Variants in SOX6 observed in about 807,000 individuals in gnomAD.
SOX6 encodes the protein transcription factor SOX-6.
In SOX6, 11 loss-of-function variants were observed where a neutral mutation model predicts 97.8. The observed-to-expected ratio is 0.11, with a 90% CI of 0.07 to 0.19. The LOEUF (loss-of-function observed/expected upper bound fraction) is 0.19, where lower values mean the gene tolerates loss of function less well. Ranked by LOEUF, SOX6 falls within the 10% of genes least tolerant of loss-of-function variation. SOX6 has a pLI of 1.00. For missense variants in SOX6, 810 were observed against 1,039.5 expected, an observed-to-expected ratio of 0.78 and a Z score of 3.04; for synonymous variants, 360 against 371.4, an observed-to-expected ratio of 0.97 and a Z score of 0.35.
At chr11:16,156,781 A>T (rs1589981401) in intron 6 of SOX6, among the ~76,000 whole-genome samples, 1 of 151,890 alleles carries the variant, frequency 6.6e-6, no homozygotes, top group South Asian at 2.1e-4. Flanking sequence ...CCTAATATCC[A>T]TGTCTCCTGC....
At chr11:16,373,898 A>AGAAGG (rs1857574587) in intron 1 of SOX6, among the ~76,000 whole-genome samples, 1 of 79,460 alleles carries the variant, frequency 1.3e-5, no homozygotes, top group African/African-American at 5.0e-5. Context: ...GGAGGGAGGG[A>AGAAGG]GGAAGGGAGG....
intron 1 of SOX6, among the ~76,000 whole-genome samples, chr11:16,455,125 TAA>T (rs1179836489): frequency 6.6e-6 from 1 of 152,006 alleles, no homozygotes; most frequent in African/African-American, 2.4e-5. Context: ...TACTTAAATA[TAA>T]GTCTCTGACT....
chr11:15,992,589 A>T (rs12576586), intron 13 of SOX6, among the ~76,000 whole-genome samples: 13,818 of 152,148 alleles, frequency 0.091, 1,301 homozygotes, highest in East Asian at 0.35. Context: ...TTGCATATAA[A>T]AATGGTCTCA....
At chr11:16,497,145 C>T (rs1860614133) in intron 4 of SOX6, among the ~76,000 whole-genome samples, 1 of 152,184 alleles carries the variant, frequency 6.6e-6, no homozygotes, top group Non-Finnish European at 1.5e-5. Context: ...CAGGCAGCAA[C>T]ATTTGCTGTT....
intron 3 of SOX6, among the ~76,000 whole-genome samples, chr11:16,657,782 G>A (rs1847734882): frequency 6.6e-6 from 1 of 152,174 alleles, no homozygotes; most frequent in Non-Finnish European, 1.5e-5. Flanking sequence ...CTTCTTTAGT[G>A]AGATGTCTAT....
intron 3 of SOX6, among the ~76,000 whole-genome samples, chr11:16,264,165 C>T (rs2134218423): frequency 6.6e-6 from 1 of 151,868 alleles, no homozygotes; most frequent in East Asian, 1.9e-4. Context: ...ATCCCCATCC[C>T]ATCCATTCTA....
intron 2 of SOX6, among the ~76,000 whole-genome samples, chr11:16,721,527 T>C (rs1848262508): frequency 1.5e-5 from 1 of 68,914 alleles, no homozygotes; most frequent in Non-Finnish European, 2.9e-5. Context: ...TCTCTCTCTC[T>C]CTCTCTCTCT....
chr11:16,469,916 G>A (rs1860108801), intron 1 of SOX6, among the ~76,000 whole-genome samples: 1 of 152,028 alleles, frequency 6.6e-6, no homozygotes, highest in African/African-American at 2.4e-5. Context: ...GAAACAGAAA[G>A]TAGAGAGGGC....
chr11:16,302,851 G>A (rs1590107446), intron 3 of SOX6, among the ~76,000 whole-genome samples: 1 of 151,942 alleles, frequency 6.6e-6, no homozygotes, highest in Admixed American at 6.6e-5. Flanking sequence ...ATTACAGGCA[G>A]GAGCCACCGC....
intron 1 of SOX6, among the ~76,000 whole-genome samples, chr11:16,406,545 G>C (rs1453379530): frequency 6.6e-6 from 1 of 152,064 alleles, no homozygotes; most frequent in African/African-American, 2.4e-5. Context: ...ACAGAAAACA[G>C]CAAGAGTGTG....
chr11:16,387,159 A>C (rs1290679364), intron 1 of SOX6, among the ~76,000 whole-genome samples: 2 of 152,162 alleles, frequency 1.3e-5, no homozygotes, highest in African/African-American at 4.8e-5. Context: ...AGACCTGTAA[A>C]AACTATTGAT....
At chr11:16,209,297 C>T (rs1852155234) in intron 4 of SOX6, among the ~76,000 whole-genome samples, 1 of 152,118 alleles carries the variant, frequency 6.6e-6, no homozygotes, top group African/African-American at 2.4e-5. Context: ...TCTTCATTAG[C>T]TTTTAAGACT....
intron 3 of SOX6, among the ~76,000 whole-genome samples, chr11:16,655,999 T>G (rs1027170379): frequency 7.2e-5 from 11 of 152,108 alleles, no homozygotes; most frequent in African/African-American, 2.2e-4. Context: ...ATCCTATTAC[T>G]TTTTTGTATT....
intron 3 of SOX6, among the ~76,000 whole-genome samples, chr11:16,669,074 TG>T (rs1352103873): frequency 1.3e-5 from 2 of 152,196 alleles, no homozygotes; most frequent in African/African-American, 4.8e-5. Context: ...TTTCATCTAA[TG>T]GTTGCAGAAA....
chr11:16,105,757 G>A (rs1849063542), intron 7 of SOX6, among the ~76,000 whole-genome samples: 1 of 152,080 alleles, frequency 6.6e-6, no homozygotes, highest in Non-Finnish European at 1.5e-5. Context: ...TGGTAAGGGA[G>A]AGGTAAAACT....
chr11:16,706,306 G>C (rs1848131596), intron 3 of SOX6, among the ~76,000 whole-genome samples: 2 of 149,140 alleles, frequency 1.3e-5, no homozygotes, highest in Admixed American at 6.7e-5. Context: ...TAATTAGCTG[G>C]GTATAGTAAC....
intron 3 of SOX6, among the ~76,000 whole-genome samples, chr11:16,286,701 T>A (rs1321588834): frequency 1.3e-5 from 2 of 152,156 alleles, no homozygotes; most frequent in Non-Finnish European, 2.9e-5. Context: ...TTTGCCTATT[T>A]TCTATCTTCC....
chr11:16,341,409 G>C, intron 1 of SOX6, 157 bp from the exon 2 acceptor site: 1 of 1,030,442 alleles, frequency 9.7e-7, no homozygotes, highest in Non-Finnish European at 1.4e-6. Context: ...CCTGGCTTAT[G>C]TGTCCTTCTT....
At chr11:16,022,612 C>T (rs1855101273) in intron 12 of SOX6, among the ~76,000 whole-genome samples, 1 of 152,036 alleles carries the variant, frequency 6.6e-6, no homozygotes, top group Admixed American at 6.6e-5. Flanking sequence ...GGGGTTTCAC[C>T]ATGTTGGCCA....
Sources: allele counts gnomAD v4.1 joint callset (sites outside exome capture counted in the v4.1 genomes callset), GRCh38; gene constraint gnomAD v4.1.1; transcripts MANE v1.5; gene names NCBI Gene and HGNC (gene_info 2026-07-23, HGNC 2026-07-21).